SNX29: variants seen among roughly 807,000 people sequenced by gnomAD.
SNX29 encodes the protein sorting nexin 29.
Under a neutral mutation model 102.1 loss-of-function variants are expected in SNX29, and 78 were observed. That is an observed-to-expected ratio of 0.76 (90% CI 0.64 to 0.92). The LOEUF is 0.92. Among genes scored for constraint, SNX29 ranks in the 40% least tolerant of loss-of-function variants. The pLI is 0.00. For missense variants in SNX29, 1,280 were observed against 1,061.7 expected (o/e 1.21, Z -2.86); for synonymous variants, 580 against 414.5 (o/e 1.40, Z -4.85).
intron 3 of SNX29, among the ~76,000 whole-genome samples, chr16:12,003,945 G>C (rs2056374446): frequency 6.6e-6 from 1 of 151,952 alleles, no homozygotes; most frequent in South Asian, 2.1e-4. Context: ...CTAATTTTGG[G>C]GAAAATTAAG....
At chr16:11,996,461 C>G (rs571408369) in intron 1 of SNX29, among the ~76,000 whole-genome samples, 2 of 152,260 alleles carry the variant, frequency 1.3e-5, no homozygotes, top group South Asian at 4.1e-4. Flanking sequence ...TTGAGAAGCA[C>G]TGCATTAAAA....
chr16:12,547,132 TCAC>T (rs1178637671), intron 20 of SNX29, among the ~76,000 whole-genome samples: 1 of 152,130 alleles, frequency 6.6e-6, no homozygotes, highest in Non-Finnish European at 1.5e-5. Context: ...ATCACAGTCA[TCAC>T]AGAGGGAAAG....
intron 20 of SNX29, chr16:12,556,514 C>T (rs760267793): frequency 2.0e-5 from 3 of 152,270 alleles, no homozygotes; most frequent in Non-Finnish European, 4.4e-5. Flanking sequence ...CCCGTGTTGC[C>T]AGAGGAAGTG....
chr16:12,544,215 C>G (rs142081051), intron 20 of SNX29, among the ~76,000 whole-genome samples: 3 of 152,186 alleles, frequency 2.0e-5, no homozygotes, highest in African/African-American at 7.2e-5. Flanking sequence ...ACCGTGACAG[C>G]CGGTTCCTCA....
chr16:12,336,114 C>T (rs143526429), intron 15 of SNX29, among the ~76,000 whole-genome samples: 1 of 152,222 alleles, frequency 6.6e-6, no homozygotes. Flanking sequence ...ATAATATTTA[C>T]ATTTTAAATA....
At chr16:12,272,930 G>A (rs971560441) in intron 14 of SNX29, among the ~76,000 whole-genome samples, 3 of 152,102 alleles carry the variant, frequency 2.0e-5, no homozygotes, top group Non-Finnish European at 2.9e-5. Flanking sequence ...GAAAACACAC[G>A]CAACACGCAG....
chr16:12,349,147 G>A (rs941427189), intron 15 of SNX29, among the ~76,000 whole-genome samples: 3 of 152,194 alleles, frequency 2.0e-5, no homozygotes, highest in Admixed American at 1.3e-4. Flanking sequence ...CTTGCCCCCC[G>A]CCAAGCCTAC....
At chr16:12,189,190 A>G (rs1413619958) in intron 13 of SNX29, among the ~76,000 whole-genome samples, 1 of 152,236 alleles carries the variant, frequency 6.6e-6, no homozygotes, top group Non-Finnish European at 1.5e-5. Flanking sequence ...TGTAATAACA[A>G]TATAACAATC....
rs531992408 is a variant in SNX29 at position 12,331,101 on chromosome 16, G to A, written c.1783-25062G>A. Among the ~76,000 whole-genome samples, 292 of 152,330 alleles carry A rather than the reference G, an allele frequency of 1.9e-3. 2 individuals are homozygous for A. Among genetic ancestry groups the A allele is most frequent in the African/African-American group, 6.7e-3 (277 of 41,580 alleles). On this transcript the variant is annotated intron_variant, in intron 15 of 20. Coordinates refer to ENST00000566228, the MANE Select transcript of SNX29 (RefSeq NM_032167.5). ...GGGGGCTGTGGATTGCACCCCATGG[G>A]CTCCTACCTTGAATCCTCTGCTGGT...
Position 12,524,840 on chromosome 16 carries a change from G to C in SNX29, c.2317G>C (p.Val773Leu). ...CCTCATCCAGCTGATGCCCTTCTTC[G>C]TGTAAGTACTGCTCCCACGGACATG... The part of the protein sequence containing the change: ...ETLIQLMPFF[V>L]DITPPGEPVN... The change falls in exon 20 of 21, where the codon GTC becomes CTC. Residue 773 changes from valine (V) to leucine (L), a missense_variant and splice_region_variant. By Grantham distance (32) the Val-to-Leu change is conservative. Transcript: ENST00000566228. 4.3e-6 allele frequency: 7 copies of C among 1,613,056 alleles called. No homozygotes were observed. The highest frequency in any genetic ancestry group is 5.9e-6 in the Non-Finnish European group (7 of 1,179,488).
intron 18 of SNX29, among the ~76,000 whole-genome samples, chr16:12,415,724 C>G (rs977907775): frequency 2.0e-5 from 3 of 152,182 alleles, no homozygotes; most frequent in Non-Finnish European, 2.9e-5. Flanking sequence ...TAGATGGACT[C>G]TCCTCCCCAG....
chr16:12,433,986 C>G (rs1254328862), intron 18 of SNX29, among the ~76,000 whole-genome samples: 2 of 152,174 alleles, frequency 1.3e-5, no homozygotes, highest in East Asian at 3.9e-4. Context: ...TCCCCTGCCC[C>G]CTGTTTTGAG....
chr16:12,182,462 C>T (rs1007473180), intron 13 of SNX29, among the ~76,000 whole-genome samples: 4 of 152,120 alleles, frequency 2.6e-5, no homozygotes, highest in South Asian at 2.1e-4. Flanking sequence ...TGGCTGCTAA[C>T]GCTTGCTCAT....
At chr16:12,243,966 T>G (rs936644236) in intron 14 of SNX29, among the ~76,000 whole-genome samples, 1 of 152,218 alleles carries the variant, frequency 6.6e-6, no homozygotes, top group Middle Eastern at 3.2e-3. Context: ...ACCAATAAAA[T>G]TACTCTACTG....
intron 19 of SNX29, among the ~76,000 whole-genome samples, chr16:12,504,212 A>G (rs1416963563): frequency 6.6e-6 from 1 of 152,208 alleles, no homozygotes; most frequent in Non-Finnish European, 1.5e-5. Flanking sequence ...CTGTCCTGTT[A>G]TAGCACATAA....
intron 18 of SNX29, among the ~76,000 whole-genome samples, chr16:12,445,642 C>CA (rs1261552639): frequency 1.3e-5 from 2 of 152,114 alleles, no homozygotes; most frequent in African/African-American, 4.8e-5. Context: ...TTTTCACTTA[C>CA]AAAAAAATAG....
At chr16:12,089,108 GAGAGAGAGAGAGAGAGAAA>G (rs71139573) in intron 11 of SNX29, among the ~76,000 whole-genome samples, 34,332 of 147,452 alleles carry the variant, frequency 0.23, 4,003 homozygotes, top group African/African-American at 0.28. Context: ...AGAAAGAGAG[GAGAGAGAGAGAGAGAGAAA>G]AGAGAGAGAG....
At chr16:12,295,345 G>C (rs979086256) in intron 15 of SNX29, among the ~76,000 whole-genome samples, 3 of 152,198 alleles carry the variant, frequency 2.0e-5, no homozygotes, top group Admixed American at 2.0e-4. Context: ...GAAGTTGCCA[G>C]AATTCCTGAA....
At chr16:12,332,963 G>A (rs559464371) in intron 15 of SNX29, among the ~76,000 whole-genome samples, 7 of 152,084 alleles carry the variant, frequency 4.6e-5, no homozygotes, top group Non-Finnish European at 8.8e-5. Context: ...TAGTGTGCAT[G>A]TACAGACGCT....
Sources: gnomAD v4.1 joint callset for allele counts (sites outside exome capture counted in the v4.1 genomes callset) on GRCh38, gnomAD v4.1.1 for gene constraint, MANE v1.5 for transcripts, NCBI Gene and HGNC (gene_info 2026-07-23, HGNC 2026-07-21) for gene names.